The following STYK1 variants were observed in gnomAD, a reference collection of about 807,000 sequenced individuals.
The protein encoded by STYK1 is tyrosine-protein kinase STYK1.
STYK1 carries 46 observed loss-of-function variants against 48.1 expected under a neutral mutation model. The observed-to-expected ratio is 0.96, with a 90% CI of 0.75 to 1.22. The LOEUF (loss-of-function observed/expected upper bound fraction) is 1.22. STYK1 is among the 50% of genes most tolerant of loss of function. The probability of loss-of-function intolerance (pLI) is 0.00; values close to 1 mark genes in which losing one functional copy is unlikely to be tolerated. For synonymous variants in STYK1, 188 were observed against 189.0 expected, an observed-to-expected ratio of 0.99 and a Z score of 0.04; for missense variants, 527 against 521.1, an observed-to-expected ratio of 1.01 and a Z score of -0.11.
intron 1 of STYK1, among the ~76,000 whole-genome samples, chr12:10,651,004 CAAA>C (rs11342378): frequency 8.4e-5 from 10 of 118,510 alleles, no homozygotes; most frequent in Admixed American, 8.4e-5. Flanking sequence ...GACTCCTTCT[CAAA>C]AAAAAAAAAA....
intron 1 of STYK1, among the ~76,000 whole-genome samples, chr12:10,650,355 CTGAGA>C (rs2120736964): frequency 6.6e-6 from 1 of 152,200 alleles, no homozygotes; most frequent in South Asian, 2.1e-4. Context: ...ACCTATACAG[CTGAGA>C]TAATTCTGCC....
intron 8 of STYK1, 30 bp from the exon 9 acceptor site, chr12:10,622,708 T>C (rs1028741853): frequency 6.8e-6 from 11 of 1,613,706 alleles, no homozygotes; most frequent in Admixed American, 3.3e-5. Context: ...ATCTATTTAA[T>C]TTCTATTTCT....
At position 10,634,134 on chromosome 12, in the gene STYK1, C is replaced by T. The variant is rs376155323; in HGVS notation, c.53-10G>A. ...TGCTTCTCCTGGATGACTGGGTAGG[C>T]GATCACACAGGAAGAGAAGAGAATG... On this transcript the variant is annotated splice_polypyrimidine_tract_variant and intron_variant, in intron 3 of 10. Coordinates refer to ENST00000075503, the MANE Select transcript of STYK1 (RefSeq NM_018423.3). 167 of 1,583,502 alleles carry T rather than the reference C, an allele frequency of 1.1e-4. 1 individual carries two copies. Among genetic ancestry groups the T allele is most frequent in the South Asian group, 5.7e-4 (51 of 88,908 alleles).
At chr12:10,654,750 G>A (rs574399270) in intron 1 of STYK1, among the ~76,000 whole-genome samples, 2 of 152,332 alleles carry the variant, frequency 1.3e-5, no homozygotes, top group East Asian at 1.9e-4. Flanking sequence ...GCCCCTCTCA[G>A]TAAAGTCCTT....
intron 7 of STYK1, 48 bp from the exon 8 acceptor site, chr12:10,624,907 G>C (rs770386364): frequency 6.5e-7 from 1 of 1,549,444 alleles, no homozygotes; most frequent in South Asian, 1.1e-5. Context: ...ATCACAGCTT[G>C]GGTCACAGAC....
At position 10,672,086 on chromosome 12, in the gene STYK1, A is replaced by G. The variant is rs1947896645; in HGVS notation, c.-195+1880T>C. ...AAAGGGGAAATTCAGAGACATATATACAGGGAGAACACCATATAAACATCA... is the reference window on the plus strand; with the variant it reads ...AAAGGGGAAATTCAGAGACATATATGCAGGGAGAACACCATATAAACATCA... On this transcript the variant is annotated intron_variant, in intron 1 of 10. Transcript: ENST00000075503. This position sits in a 1 kb window ranked among gnomAD's most constrained non-coding sequence, Gnocchi z 4.0. Among the ~76,000 whole-genome samples, 1 of 152,206 alleles carries G rather than the reference A, an allele frequency of 6.6e-6. No homozygotes were observed. The highest frequency in any genetic ancestry group is 6.5e-5 in the Admixed American group (1 of 15,290).
chr12:10,624,509 A>G, intron 8 of STYK1, 142 bp downstream of exon 8: 2 of 757,632 alleles, frequency 2.6e-6, no homozygotes, highest in South Asian at 1.7e-5. Flanking sequence ...ACTCTGTCAC[A>G]TAACATTTCT....
At chr12:10,636,060 T>C (rs2120669076) in intron 2 of STYK1, among the ~76,000 whole-genome samples, 1 of 152,364 alleles carries the variant, frequency 6.6e-6, no homozygotes, top group East Asian at 1.9e-4. Flanking sequence ...TATAATATGC[T>C]ACTATGTTGT....
At chr12:10,635,508 G>A (rs772717679) in intron 2 of STYK1, among the ~76,000 whole-genome samples, 2 of 151,960 alleles carry the variant, frequency 1.3e-5, no homozygotes, top group African/African-American at 2.4e-5. Context: ...ATATAGACAC[G>A]GACACTCATT....
intron 1 of STYK1, among the ~76,000 whole-genome samples, chr12:10,643,935 C>T (rs1320541977): frequency 6.6e-6 from 1 of 150,994 alleles, no homozygotes; most frequent in African/African-American, 2.4e-5. Context: ...CACTGAAGTG[C>T]TTTAAATAGA....
In STYK1 at chr12:10,619,996, C is replaced by T. The variant is rs557392282; in HGVS notation, c.*148G>A. On this transcript the variant is annotated 3_prime_UTR_variant, in exon 11 of 11. Transcript: ENST00000075503. ...TGTAGAGTCCCATCCAGCATCATTT[C>T]AGATTTCCCGAGAAATGTGTAAAGG... 89 of 885,140 alleles carry T rather than the reference C, an allele frequency of 1.0e-4. No individual in the cohort carries two copies. The highest frequency in any genetic ancestry group is 1.5e-4 in the Non-Finnish European group (86 of 564,454). 54.8% of individuals were successfully genotyped at this position (885,140 alleles called of 1,614,324 possible). A position where few individuals can be genotyped will look rare whatever the true frequency, so the allele number is the denominator to read the frequency against.
At chr12:10,646,626 AT>A (rs1197782587) in intron 1 of STYK1, among the ~76,000 whole-genome samples, 6 of 152,254 alleles carry the variant, frequency 3.9e-5, no homozygotes, top group African/African-American at 1.4e-4. Flanking sequence ...AGCTGCAGAA[AT>A]TTGCATAAGT....
In STYK1 at chr12:10,619,990, T is replaced by C. The variant is rs1865879281; in HGVS notation, c.*154A>G. The C allele has an allele frequency of 4.9e-6, 4 of 820,838 alleles. 1 individual carries two copies. The Admixed American group carries it at 8.7e-5, about 18-fold the overall frequency. The allele number at this position is 820,838 out of a possible 1,614,324, so 50.8% of individuals were successfully genotyped here. On this transcript the variant is annotated 3_prime_UTR_variant, in exon 11 of 11. Coordinates refer to ENST00000075503, the MANE Select transcript of STYK1 (RefSeq NM_018423.3). ...AGGATGTGTAGAGTCCCATCCAGCA[T>C]CATTTCAGATTTCCCGAGAAATGTG...
At chr12:10,654,008 A>C (rs1947690889) in intron 1 of STYK1, among the ~76,000 whole-genome samples, 1 of 152,210 alleles carries the variant, frequency 6.6e-6, no homozygotes, top group Non-Finnish European at 1.5e-5. Context: ...AAACAGAATG[A>C]AGTAAAGAAG....
Position 10,643,067 on chromosome 12 carries a change from A to G in STYK1, c.-194-5871T>C, listed in dbSNP as rs1013615649. ...TCCTATTTATCTTACATACTCTCCA[A>G]TTTGGGGAAGATGTAGCCTTTATCC... On this transcript the variant is annotated intron_variant, in intron 1 of 10. Coordinates refer to ENST00000075503, the MANE Select transcript of STYK1 (RefSeq NM_018423.3). Among the ~76,000 whole-genome samples the G allele has an allele frequency of 2.6e-5, 4 of 152,070 alleles. No homozygotes were observed. In the East Asian group the frequency reaches 7.7e-4, roughly 29 times the overall value.
chr12:10,642,955 T>C (rs1229276405), intron 1 of STYK1, among the ~76,000 whole-genome samples: 1 of 152,222 alleles, frequency 6.6e-6, no homozygotes, highest in Non-Finnish European at 1.5e-5. Flanking sequence ...TCCGCTGATA[T>C]CACTTATATG....
intron 1 of STYK1, among the ~76,000 whole-genome samples, chr12:10,671,457 T>TAAG (rs1565577695): frequency 6.6e-6 from 1 of 151,630 alleles, no homozygotes; most frequent in African/African-American, 2.4e-5. Flanking sequence ...AGCGTCAGCA[T>TAAG]AAGACATGAG....
At chr12:10,628,022 G>A (rs1006501641) in intron 6 of STYK1, among the ~76,000 whole-genome samples, 5 of 152,192 alleles carry the variant, frequency 3.3e-5, no homozygotes, top group Non-Finnish European at 1.5e-5. Flanking sequence ...GCTTGTGTGT[G>A]TATGCACATG....
intron 1 of STYK1, among the ~76,000 whole-genome samples, chr12:10,661,039 C>T (rs1169760299): frequency 6.6e-6 from 1 of 152,106 alleles, no homozygotes; most frequent in Non-Finnish European, 1.5e-5. Context: ...GAGTGAAGTC[C>T]AAGAACCTTC....
Sources: allele counts gnomAD v4.1 joint callset (sites outside exome capture counted in the v4.1 genomes callset), GRCh38; gene constraint gnomAD v4.1.1; non-coding constraint Gnocchi (gnomAD v3.1); transcripts MANE v1.5; gene names NCBI Gene and HGNC (gene_info 2026-07-23, HGNC 2026-07-21).